The following POLD1 variants were observed in gnomAD, a reference collection of about 807,000 sequenced individuals.
The protein encoded by POLD1 is DNA polymerase delta 1, catalytic subunit.
Under a neutral mutation model 129.7 loss-of-function variants are expected in POLD1, and 79 were observed. That is an observed-to-expected ratio of 0.61 (90% CI 0.51 to 0.73). The LOEUF is 0.73. POLD1 is among the 30% of genes least tolerant of loss of function. POLD1 has a pLI of 0.00. For missense variants in POLD1, 1,338 were observed against 1,595.8 expected (o/e 0.84, Z 2.75); for synonymous variants, 714 against 683.3 (o/e 1.04, Z -0.70).
chr19:50,395,341 A>G (rs915428082), intron 1 of POLD1, among the ~76,000 whole-genome samples: 1 of 150,124 alleles, frequency 6.7e-6, no homozygotes, highest in Admixed American at 6.6e-5. Flanking sequence ...CACACCTATA[A>G]TCCCAGCACT....
Position 50,417,817 on chromosome 19 carries a change from A to C in POLD1, c.3219-25A>C, listed in dbSNP as rs758736046. ...GGGCACTGGGCCTTGGCTGGTCCTG[A>C]CCCTGCCCCTGCCCCCACCCGCAGC... is the stretch of plus-strand genomic sequence containing the variant. On this transcript the variant is annotated intron_variant, in intron 26 of 26. Transcript: ENST00000440232. The C allele has an allele frequency of 1.4e-5, 21 of 1,482,462 alleles. No individual in the cohort carries two copies. The African/African-American group carries it at 1.9e-4, about 13-fold the overall frequency. The allele number at this position is 1,482,462 out of a possible 1,614,324, so 91.8% of individuals were successfully genotyped here.
In POLD1 at chr19:50,409,757, G is replaced by C; in HGVS notation, c.2154+91G>C. 7 of 1,392,052 alleles carry C rather than the reference G, an allele frequency of 5.0e-6. No homozygotes were observed. The highest frequency in any genetic ancestry group is 6.8e-6 in the Non-Finnish European group (7 of 1,022,486). 86.2% of individuals were successfully genotyped at this position (1,392,052 alleles called of 1,614,324 possible). On this transcript the variant is annotated intron_variant, in intron 17 of 26. Coordinates refer to ENST00000440232, the MANE Select transcript of POLD1 (RefSeq NM_002691.4). This position sits in a 1 kb window ranked among gnomAD's most constrained non-coding sequence, Gnocchi z 5.8. ...TCCATGTGGGGGACCTGTATCCAGA[G>C]GACTGGGCACCCCAACTCACTGGCC... is the stretch of plus-strand genomic sequence containing the variant.
At chr19:50,398,647 G>A (rs542539578) in intron 1 of POLD1, among the ~76,000 whole-genome samples, 24 of 151,288 alleles carry the variant, frequency 1.6e-4, no homozygotes, top group African/African-American at 4.8e-4. Context: ...GGGAGTCGAC[G>A]GGGCTGCTGC....
At chr19:50,402,985 G>A (rs116712504) in intron 8 of POLD1, 68 bp from the exon 9 acceptor site, 2 of 1,528,996 alleles carry the variant, frequency 1.3e-6, no homozygotes, top group African/African-American at 2.8e-5. Context: ...GAGATGGCAG[G>A]TGCAGCCTCC....
Position 50,399,420 on chromosome 19 carries a change from A to G in POLD1, c.252A>G (p.Pro84=). The G allele has an allele frequency of 6.2e-7, 1 of 1,614,012 alleles. No homozygotes were observed. Among genetic ancestry groups the G allele is most frequent in the Non-Finnish European group, 8.5e-7 (1 of 1,179,964 alleles). The change falls in exon 3 of 27, where the codon CCA becomes CCG. Residue 84 remains proline, a synonymous_variant. Transcript: ENST00000440232. ...AIDPRWLRPT[P]PALDPQTEPL... ...ATCCTCGCTGGCTTCGGCCCACACC[A>G]CCAGCGCTGGACCCCCAGACAGAGC...
rs372493810 is a variant in POLD1, at chr19:50,415,605, G to T, written c.2717+15G>T. 6.8e-6 allele frequency: 11 copies of T among 1,607,494 alleles called. No individual in the cohort carries two copies. The highest frequency in any genetic ancestry group is 2.2e-5 in the South Asian group (2 of 90,694). ...CTGGCCGAGAGGTCCTGCGCGGGGC[G>T]GGTGGCCTGGCCAGAAATAACCCCC... is the stretch of plus-strand genomic sequence containing the variant. On this transcript the variant is annotated intron_variant, in intron 21 of 26. Transcript: ENST00000440232.
In POLD1 at chr19:50,387,361, G is replaced by A. The variant is rs150699265; in HGVS notation, c.-2+2971G>A. Among the ~76,000 whole-genome samples, 8 of 152,252 alleles carry A rather than the reference G, an allele frequency of 5.3e-5. No individual in the cohort carries two copies. In the South Asian group the frequency reaches 6.2e-4, roughly 12 times the overall value. ...TGAGGAAATGAGTGTCTCACTCATC[G>A]AGAAAACTGGTGTCTGGCCTGCAGC... On this transcript the variant is annotated intron_variant, in intron 1 of 26. Coordinates refer to ENST00000440232, the MANE Select transcript of POLD1 (RefSeq NM_002691.4).
At position 50,406,234 on chromosome 19, in the gene POLD1, G is replaced by A. The variant is rs139557851; in HGVS notation, c.1295G>A (p.Arg432Gln). Residue 432 changes from arginine to glutamine, a missense_variant, in exon 11 of 27, where the codon CGG becomes CAG. By Grantham distance (43) the Arg-to-Gln change is conservative. Transcript: ENST00000440232. This position sits in a 1 kb window ranked among gnomAD's most constrained non-coding sequence, Gnocchi z 5.5. ...GTGGCCGGCCTTTGCTCCAACATCC[G>A]GGACTCTTCATTCCAGTCCAAGCAG... ...GRVAGLCSNIRDSSFQSKQTG... is the reference protein window; with the variant it reads ...GRVAGLCSNIQDSSFQSKQTG... The A allele has an allele frequency of 1.9e-5, 31 of 1,613,810 alleles. No homozygotes were observed. The highest frequency in any genetic ancestry group is 1.6e-4 in the Middle Eastern group (1 of 6,084).
In POLD1 at chr19:50,406,709, T is replaced by C. The variant is rs939638883; in HGVS notation, c.1494+192T>C. ...GATTTCTCTCCACTCCTGTGACCTC[T>C]GTCACTATGACCTTGTCTCTGCTTT... On this transcript the variant is annotated intron_variant, in intron 12 of 26. Transcript: ENST00000440232. The surrounding 1 kb of genome is among the most constrained non-coding windows in gnomAD (Gnocchi z 5.5). 2.0e-5 allele frequency among the ~76,000 whole-genome samples: 3 copies of C among 152,148 alleles called. No homozygotes were observed. The highest frequency in any genetic ancestry group is 7.2e-5 in the African/African-American group (3 of 41,410).
rs143974331 is a variant in POLD1 at position 50,416,407 on chromosome 19, C to A, written c.2832C>A (p.Phe944Leu). Residue 944 changes from phenylalanine to leucine, a missense_variant, in exon 23 of 27, where the codon TTC becomes TTA. Phe to Leu is a conservative substitution (Grantham distance 22). Coordinates refer to ENST00000440232, the MANE Select transcript of POLD1 (RefSeq NM_002691.4). ...CCATGTGGCCGCAGGACCCGCTGTT[C>A]GTGCTGGAGCACAGCCTGCCCATTG... ...AAYMKSEDPL[F>L]VLEHSLPIDT... 6.5e-7 allele frequency: 1 copy of A among 1,549,284 alleles called. No homozygotes were observed. The highest frequency in any genetic ancestry group is 8.7e-7 in the Non-Finnish European group (1 of 1,147,160).
intron 10 of POLD1, among the ~76,000 whole-genome samples, chr19:50,405,310 G>C (rs2038836398): frequency 6.6e-6 from 1 of 152,214 alleles, no homozygotes; most frequent in Non-Finnish European, 1.5e-5. Context: ...TTCCAAATGA[G>C]GTTACATTCT....
Position 50,401,917 on chromosome 19 carries a change from G to C in POLD1, c.456G>C (p.Ala152=), listed in dbSNP as rs766579978. ...HGFAPYFYTP[A]PPGFGPEHMG... ...TCGCTCCCTACTTCTACACCCCAGCGCCCCCTGGTGAGTGGCCCCTACCCA... is the reference window on the plus strand; with the variant it reads ...TCGCTCCCTACTTCTACACCCCAGCCCCCCCTGGTGAGTGGCCCCTACCCA... The change falls in exon 4 of 27, where the codon GCG becomes GCC. Residue 152 remains alanine, a synonymous_variant. Transcript: ENST00000440232. The C allele has an allele frequency of 6.2e-7, 1 of 1,613,902 alleles. No individual in the cohort carries two copies. The highest frequency in any genetic ancestry group is 8.5e-7 in the Non-Finnish European group (1 of 1,179,930).
At chr19:50,417,701 A>T in intron 26 of POLD1, 141 bp from the exon 27 acceptor site, 3 of 136,074 alleles carry the variant, frequency 2.2e-5, no homozygotes, top group East Asian at 1.9e-4. Context: ...GTGCCTGCTG[A>T]GCAAACAGCC....
At chr19:50,385,898 CT>C (rs919295478) in intron 1 of POLD1, among the ~76,000 whole-genome samples, 3 of 152,084 alleles carry the variant, frequency 2.0e-5, no homozygotes, top group African/African-American at 7.2e-5. Context: ...TTCCCTCCCC[CT>C]GAAATGCTCT....
At chr19:50,403,451 C>T (rs771627483) in intron 9 of POLD1, 42 bp from the exon 10 acceptor site, 1 of 1,433,434 alleles carries the variant, frequency 7.0e-7, no homozygotes, top group Admixed American at 1.7e-5. Context: ...GAATCCGAGG[C>T]AGGGCAACCA....
rs549820323 is a variant in POLD1 at position 50,400,211 on chromosome 19, AT to A, written c.316+753del. 4.6e-3 allele frequency among the ~76,000 whole-genome samples: 313 copies of A among 67,790 alleles called. 2 individuals are homozygous for A. Among genetic ancestry groups the A allele is most frequent in the Middle Eastern group, 0.022 (2 of 92 alleles). The allele number at this position is 67,790 out of a possible 152,430, so 44.5% of individuals were successfully genotyped here. ...CAGGCTGGAGTGCACCTGGCCAATA[AT>A]TTTTTTTTTTTTTTTTTTTTTTTTT... On this transcript the variant is annotated intron_variant, in intron 3 of 26. Coordinates refer to ENST00000440232, the MANE Select transcript of POLD1 (RefSeq NM_002691.4).
In POLD1 at chr19:50,412,479, T is replaced by C. The variant is rs7257864; in HGVS notation, c.2155-947T>C. Among the ~76,000 whole-genome samples, 1,097 of 150,700 alleles carry C rather than the reference T, an allele frequency of 7.3e-3. 15 individuals are homozygous for C. The highest frequency in any genetic ancestry group is 0.026 in the African/African-American group (1,059 of 40,984). ...CCTGTCTCTTAAAAAAAAAAAAAAA[T>C]TGAATCATTTCAGGAAAAGATTACA... is the stretch of plus-strand genomic sequence containing the variant. On this transcript the variant is annotated intron_variant, in intron 17 of 26. Coordinates refer to ENST00000440232, the MANE Select transcript of POLD1 (RefSeq NM_002691.4).
At chr19:50,404,287 A>G (rs552026738) in intron 10 of POLD1, among the ~76,000 whole-genome samples, 80 of 150,484 alleles carry the variant, frequency 5.3e-4, no homozygotes, top group African/African-American at 2.0e-3. Flanking sequence ...TTCCAAGACA[A>G]AGTCTCGCTC....
chr19:50,416,562 G>A lies in POLD1; in HGVS notation c.2953+34G>A, dbSNP rs549245966. 3.0e-5 allele frequency: 46 copies of A among 1,547,216 alleles called. 1 individual carries two copies. In the South Asian group the frequency reaches 4.6e-4, roughly 16 times the overall value. ...GCACCAGGGGACTGGGGGCACCCTG[G>A]GGGGGCAGAGGAGATCACCGGCCCA... On this transcript the variant is annotated intron_variant, in intron 23 of 26. Transcript: ENST00000440232.
Sources: gnomAD v4.1 joint callset for allele counts (sites outside exome capture counted in the v4.1 genomes callset) on GRCh38, gnomAD v4.1.1 for gene constraint, Gnocchi (gnomAD v3.1) non-coding constraint, MANE v1.5 for transcripts, NCBI Gene and HGNC (gene_info 2026-07-23, HGNC 2026-07-21) for gene names.